Variants in CCDC117 observed in about 807,000 individuals in gnomAD.
The protein encoded by CCDC117 is coiled-coil domain-containing protein 117.
Under a neutral mutation model 23.5 loss-of-function variants are expected in CCDC117, and 1 was observed. That is an observed-to-expected ratio of 0.04 (90% CI 0.02 to 0.20). The LOEUF (loss-of-function observed/expected upper bound fraction) is 0.20, where lower values mean the gene tolerates loss of function less well. CCDC117 is among the 10% of genes least tolerant of loss of function. The pLI is 1.00. For missense variants in CCDC117, 383 were observed against 348.2 expected (o/e 1.10, Z -0.80); for synonymous variants, 132 against 124.8 (o/e 1.06, Z -0.39).
rs1569195608 is a variant in CCDC117 at position 28,772,730 on chromosome 22, C to T, written c.-120C>T. 1 of 766,168 alleles carries T rather than the reference C, an allele frequency of 1.3e-6. No individual in the cohort carries two copies. Among genetic ancestry groups the T allele is most frequent in the Non-Finnish European group, 1.7e-6 (1 of 571,848 alleles). 47.5% of individuals were successfully genotyped at this position (766,168 alleles called of 1,614,324 possible). On this transcript the variant is annotated 5_prime_UTR_variant, in exon 1 of 5. It adds an upstream start codon to the 5' untranslated region. Transcript: ENST00000249064. Reference sequence around the variant, plus strand: ...AGGTGGAGGGTTCTAGAAGGCGTGACGTGGGGTCGAGAGCGGGATCCGAGG... The same window carrying T: ...AGGTGGAGGGTTCTAGAAGGCGTGATGTGGGGTCGAGAGCGGGATCCGAGG...
intron 4 of CCDC117, 38 bp from the exon 5 acceptor site, chr22:28,786,051 T>C: frequency 6.6e-7 from 1 of 1,506,894 alleles, no homozygotes; most frequent in South Asian, 1.2e-5. Flanking sequence ...TTTCATGTCC[T>C]AAAATTTTTT....
intron 2 of CCDC117, among the ~76,000 whole-genome samples, chr22:28,779,240 C>A (rs890798826): frequency 6.6e-6 from 1 of 152,068 alleles, no homozygotes; most frequent in Non-Finnish European, 1.5e-5. Context: ...CTTGGTCTGT[C>A]GCCCAGGCTG....
At chr22:28,773,973 C>T (rs2031081093) in intron 2 of CCDC117, among the ~76,000 whole-genome samples, 195 bp downstream of exon 2, 3 of 151,938 alleles carry the variant, frequency 2.0e-5, no homozygotes, top group South Asian at 4.1e-4. Context: ...ACTTTTCGCT[C>T]TATAACAAGT....
In CCDC117 at chr22:28,773,803, ACT is replaced by A; in HGVS notation, c.239+28_239+29del. 4 of 1,596,230 alleles carry A rather than the reference ACT, an allele frequency of 2.5e-6. No individual in the cohort carries two copies. The East Asian group carries it at 8.9e-5, about 36-fold the overall frequency. ...AGTAAGTTTCAGTGGTTGTTTATTCACTCTGTGGTCACCGTTAGTTGAACCCC... is the reference window on the plus strand; with the variant it reads ...AGTAAGTTTCAGTGGTTGTTTATTCACTGTGGTCACCGTTAGTTGAACCCC... On this transcript the variant is annotated intron_variant, in intron 2 of 4. Transcript: ENST00000249064.
chr22:28,774,169 G>A (rs111719475), intron 2 of CCDC117, among the ~76,000 whole-genome samples: 2,552 of 148,588 alleles, frequency 0.017, 73 homozygotes, highest in African/African-American at 0.06. Context: ...CCGGCTTCAT[G>A]CCATTCTCCT....
At chr22:28,781,330 G>GTTTTGTTTTTTTTTTTTTTTTTTT (rs2031315205) in intron 3 of CCDC117, among the ~76,000 whole-genome samples, 158 bp downstream of exon 3, 1 of 37,628 alleles carries the variant, frequency 2.7e-5, no homozygotes, top group Non-Finnish European at 4.5e-5. Context: ...TTGTTTTTTT[G>GTTTTGTTTTTTTTTTTTTTTTTTT]TTTTGTTTTT....
intron 3 of CCDC117, among the ~76,000 whole-genome samples, chr22:28,782,125 A>G (rs2031359900): frequency 6.7e-6 from 1 of 150,218 alleles, no homozygotes; most frequent in Admixed American, 6.6e-5. Flanking sequence ...TTTTGTAGAG[A>G]CGGGATTTCG....
intron 3 of CCDC117, among the ~76,000 whole-genome samples, chr22:28,781,476 A>T (rs1209311163): frequency 1.2e-5 from 1 of 83,364 alleles, no homozygotes; most frequent in Admixed American, 1.1e-4. Flanking sequence ...TCAGCCTCCC[A>T]AGTAGCTGGG....
chr22:28,783,206 A>G (rs116320078), intron 3 of CCDC117, among the ~76,000 whole-genome samples: 50 of 151,504 alleles, frequency 3.3e-4, no homozygotes, highest in Non-Finnish European at 5.9e-4. Context: ...ACACCCGACA[A>G]ATTTTTCTAT....
intron 2 of CCDC117, among the ~76,000 whole-genome samples, chr22:28,779,493 A>G (rs1432898061): frequency 1.3e-5 from 2 of 152,092 alleles, no homozygotes; most frequent in African/African-American, 2.4e-5. Flanking sequence ...GGCATGAACT[A>G]CCGTGTCCGG....
At chr22:28,780,199 A>T (rs771251039) in intron 2 of CCDC117, among the ~76,000 whole-genome samples, 5 of 152,212 alleles carry the variant, frequency 3.3e-5, no homozygotes, top group Non-Finnish European at 5.9e-5. Context: ...TATGAAATAC[A>T]AATTTGTTCA....
intron 4 of CCDC117, among the ~76,000 whole-genome samples, chr22:28,784,771 TTTGTTG>T (rs996954836): frequency 1.3e-5 from 2 of 152,046 alleles, no homozygotes; most frequent in Non-Finnish European, 2.9e-5. Context: ...TCTCGTTTTT[TTTGTTG>T]TTGTTGTTGT....
chr22:28,781,188 A>T lies in CCDC117; in HGVS notation c.464+16A>T. 6.5e-7 allele frequency: 1 copy of T among 1,533,710 alleles called. No individual in the cohort carries two copies. Among genetic ancestry groups the T allele is most frequent in the South Asian group, 1.1e-5 (1 of 88,632 alleles). On this transcript the variant is annotated intron_variant, in intron 3 of 4. Transcript: ENST00000249064. ...TTGAGGACAGGTAAATGGGCAGTGT[A>T]TATAGCTGGTTTTTTGCTGTTCTCT... is the stretch of plus-strand genomic sequence containing the variant.
chr22:28,781,057 G>A lies in CCDC117; in HGVS notation c.349G>A (p.Val117Ile). The A allele has an allele frequency of 6.2e-7, 1 of 1,613,848 alleles. No individual in the cohort carries two copies. The highest frequency in any genetic ancestry group is 1.3e-5 in the African/African-American group (1 of 75,040). ...AGAGGGGCATGGAGTAAATCCCAGT[G>A]TTAGTGGCCTTTCCATACCTGGGAT... ...DVEGHGVNPSVSGLSIPGILD... is the reference protein window; with the variant it reads ...DVEGHGVNPSISGLSIPGILD... The change falls in exon 3 of 5, where the codon GTT becomes ATT. Residue 117 changes from valine (V) to isoleucine (I), a missense_variant. Val to Ile is a conservative substitution (Grantham distance 29). Transcript: ENST00000249064.
rs150437018 is a variant in CCDC117, at chr22:28,779,278, T to A, written c.240-1670T>A. Reference sequence around the variant, plus strand: ...GTGCAGTGACGCAATCTTGGCTCACTGCAACCTCCCCCCTCCTGGGTTCAA... The same window carrying A: ...GTGCAGTGACGCAATCTTGGCTCACAGCAACCTCCCCCCTCCTGGGTTCAA... On this transcript the variant is annotated intron_variant, in intron 2 of 4. Coordinates refer to ENST00000249064, the MANE Select transcript of CCDC117 (RefSeq NM_173510.4). Among the ~76,000 whole-genome samples, 26 of 152,276 alleles carry A rather than the reference T, an allele frequency of 1.7e-4. No individual in the cohort carries two copies. In the East Asian group the frequency reaches 5.0e-3, roughly 29 times the overall value.
At chr22:28,784,758 G>A (rs1384444692) in intron 4 of CCDC117, among the ~76,000 whole-genome samples, 2 of 152,196 alleles carry the variant, frequency 1.3e-5, no homozygotes, top group African/African-American at 2.4e-5. Context: ...GCCTTTGAGG[G>A]TATCTCGTTT....
At chr22:28,774,389 T>G (rs916170435) in intron 2 of CCDC117, among the ~76,000 whole-genome samples, 2 of 150,780 alleles carry the variant, frequency 1.3e-5, no homozygotes, top group Non-Finnish European at 3.0e-5. Context: ...TTTTTTTTTT[T>G]TTAAAGTCAG....
At chr22:28,775,689 G>A (rs2031141957) in intron 2 of CCDC117, among the ~76,000 whole-genome samples, 1 of 152,084 alleles carries the variant, frequency 6.6e-6, no homozygotes, top group Admixed American at 6.6e-5. Flanking sequence ...ACGAGGTCAG[G>A]AGTTCAAGAC....
At chr22:28,774,070 GT>G (rs67314143) in intron 2 of CCDC117, among the ~76,000 whole-genome samples, 51 of 126,072 alleles carry the variant, frequency 4.0e-4, no homozygotes, top group Non-Finnish European at 5.2e-4. Flanking sequence ...TTTTGTTTTT[GT>G]TTTTTTTTTT....
Sources: gnomAD v4.1 joint callset for allele counts (sites outside exome capture counted in the v4.1 genomes callset) on GRCh38, gnomAD v4.1.1 for gene constraint, MANE v1.5 for transcripts, NCBI Gene and HGNC (gene_info 2026-07-23, HGNC 2026-07-21) for gene names.